The following KIRREL3 variants were observed in gnomAD, a reference collection of about 807,000 sequenced individuals.
KIRREL3 encodes the protein kirre like nephrin family adhesion molecule 3, also known as kin of IRRE-like protein 3.
A neutral mutation model predicts 89.7 loss-of-function variants in KIRREL3; 36 were observed. The ratio of observed to expected loss-of-function variants is 0.40; its 90% CI spans 0.31 to 0.53. KIRREL3 has a LOEUF of 0.53. KIRREL3 is among the 20% of genes least tolerant of loss of function. The pLI is 0.49. For missense variants in KIRREL3, 864 were observed against 1,056.6 expected (o/e 0.82, Z 2.53); for synonymous variants, 445 against 441.4 (o/e 1.01, Z -0.10).
intron 2 of KIRREL3, among the ~76,000 whole-genome samples, chr11:126,559,239 A>G (rs1157416976): frequency 3.3e-5 from 5 of 152,208 alleles, no homozygotes; most frequent in Non-Finnish European, 5.9e-5. Flanking sequence ...GGACTGTTCC[A>G]CATCTGTGTG....
At chr11:126,593,658 G>A (rs1031467471) in intron 1 of KIRREL3, among the ~76,000 whole-genome samples, 2 of 152,214 alleles carry the variant, frequency 1.3e-5, no homozygotes, top group Non-Finnish European at 2.9e-5. Flanking sequence ...CATGGGGTCT[G>A]GGCCTGCACG....
intron 1 of KIRREL3, among the ~76,000 whole-genome samples, chr11:126,913,211 C>T (rs1946896873): frequency 6.6e-6 from 1 of 152,132 alleles, no homozygotes; most frequent in Non-Finnish European, 1.5e-5. Context: ...CAAGGTTTTC[C>T]AAATATGGTT....
chr11:126,731,776 A>G (rs1194833914), intron 1 of KIRREL3, among the ~76,000 whole-genome samples: 1 of 152,256 alleles, frequency 6.6e-6, no homozygotes, highest in African/African-American at 2.4e-5. Flanking sequence ...AACTAATCAC[A>G]TGTGGTGGCT....
chr11:126,435,709 T>C lies in KIRREL3; in HGVS notation c.1553-406A>G, dbSNP rs1312069463. ...GCAGCACCTATTAGGGAAGAGGTGT[T>C]GGGAGATGCTGTGTGATTTGACCCA... On this transcript the variant is annotated intron_variant, in intron 12 of 16. Coordinates refer to ENST00000525144, the MANE Select transcript of KIRREL3 (RefSeq NM_032531.4). Among the ~76,000 whole-genome samples, 4 of 152,162 alleles carry C rather than the reference T, an allele frequency of 2.6e-5. No homozygotes were observed. The East Asian group carries it at 7.7e-4, about 29-fold the overall frequency.
rs1284045621 is a variant in KIRREL3, at chr11:126,601,816, C to T, written c.56-38904G>A. 6.6e-6 allele frequency among the ~76,000 whole-genome samples: 1 copy of T among 152,200 alleles called. No homozygotes were observed. The highest frequency in any genetic ancestry group is 2.1e-4 in the South Asian group (1 of 4,828). On this transcript the variant is annotated intron_variant, in intron 1 of 16. Transcript: ENST00000525144. The surrounding 1 kb of genome is among the most constrained non-coding windows in gnomAD (Gnocchi z 5.8). Reference sequence around the variant, plus strand: ...CGTCCATTTCTAGGAGCTCCATTCCCTCGTGCCATCTCCCGTTTTTAAGGA... The same window carrying T: ...CGTCCATTTCTAGGAGCTCCATTCCTTCGTGCCATCTCCCGTTTTTAAGGA...
intron 1 of KIRREL3, among the ~76,000 whole-genome samples, chr11:126,692,995 C>G (rs900937363): frequency 6.6e-6 from 1 of 152,208 alleles, no homozygotes; most frequent in African/African-American, 2.4e-5. Context: ...GGTGCTGAGC[C>G]AAGACCTCAA....
chr11:126,453,918 C>A (rs930187417), intron 7 of KIRREL3, among the ~76,000 whole-genome samples: 1 of 152,114 alleles, frequency 6.6e-6, no homozygotes, highest in African/African-American at 2.4e-5. Context: ...TAGGAGGGGC[C>A]GGCTGTGATA....
At chr11:126,887,625 G>C (rs1945750210) in intron 1 of KIRREL3, among the ~76,000 whole-genome samples, 1 of 152,010 alleles carries the variant, frequency 6.6e-6, no homozygotes, top group Non-Finnish European at 1.5e-5. Context: ...CCAACCAAGG[G>C]TCCCCAATGT....
Position 126,459,086 on chromosome 11 carries a change from T to C in KIRREL3, c.743-2632A>G, listed in dbSNP as rs1201617303. ...GGAATCGCCACCGGATCCAAACGCA[T>C]TGCTGGCCCGTGCCCTCGCATTATA... On this transcript the variant is annotated intron_variant, in intron 6 of 16. Coordinates refer to ENST00000525144, the MANE Select transcript of KIRREL3 (RefSeq NM_032531.4). The surrounding 1 kb of genome is among the most constrained non-coding windows in gnomAD (Gnocchi z 4.8). 1.3e-5 allele frequency among the ~76,000 whole-genome samples: 2 copies of C among 152,018 alleles called. No homozygotes were observed. The highest frequency in any genetic ancestry group is 2.9e-5 in the Non-Finnish European group (2 of 68,006).
rs1950811127 is a variant in KIRREL3, at chr11:126,796,367, G to A, written c.55+204088C>T. 6.6e-6 allele frequency among the ~76,000 whole-genome samples: 1 copy of A among 152,148 alleles called. No individual in the cohort carries two copies. The highest frequency in any genetic ancestry group is 1.5e-5 in the Non-Finnish European group (1 of 68,026). The stretch of plus-strand genomic sequence containing the variant: ...GGCATCAGGGCTGGGGATTGTCTTG[G>A]ATGGAAGGATCTCATTCTGCCCGTC... On this transcript the variant is annotated intron_variant, in intron 1 of 16. Coordinates refer to ENST00000525144, the MANE Select transcript of KIRREL3 (RefSeq NM_032531.4). This position sits in a 1 kb window ranked among gnomAD's most constrained non-coding sequence, Gnocchi z 5.1.
intron 7 of KIRREL3, among the ~76,000 whole-genome samples, chr11:126,451,562 G>A (rs887854729): frequency 7.1e-6 from 1 of 140,608 alleles, no homozygotes; most frequent in Non-Finnish European, 1.5e-5. Flanking sequence ...GCATGTGTGT[G>A]ATCATGTGCA....
At chr11:126,538,676 A>G (rs530901377) in intron 2 of KIRREL3, among the ~76,000 whole-genome samples, 1 of 152,224 alleles carries the variant, frequency 6.6e-6, no homozygotes, top group South Asian at 2.1e-4. Flanking sequence ...ATGGATTTTT[A>G]TGGAGGTTCT....
rs755625462 is a variant in KIRREL3 at position 126,808,642 on chromosome 11, G to A, written c.55+191813C>T. 7.2e-5 allele frequency among the ~76,000 whole-genome samples: 11 copies of A among 152,154 alleles called. No homozygotes were observed. The highest frequency in any genetic ancestry group is 2.1e-4 in the South Asian group (1 of 4,830). ...CAAATGGGCGGGGGCCTTTTTCTGC[G>A]CTTTTTAACCATCTCAGATTAAATG... On this transcript the variant is annotated intron_variant, in intron 1 of 16. Transcript: ENST00000525144. The surrounding 1 kb of genome is among the most constrained non-coding windows in gnomAD (Gnocchi z 4.1).
In KIRREL3 at chr11:126,744,888, AAAAG is replaced by A. The variant is rs958749585; in HGVS notation, c.56-181980_56-181977del. ...ACATAGTAAGTGCTAAAAAAAAAAA[AAAAG>A]GTGGGAAAAGTAGCTGAGAACTGGT... On this transcript the variant is annotated intron_variant, in intron 1 of 16. Coordinates refer to ENST00000525144, the MANE Select transcript of KIRREL3 (RefSeq NM_032531.4). This position sits in a 1 kb window ranked among gnomAD's most constrained non-coding sequence, Gnocchi z 4.7. 6.6e-6 allele frequency among the ~76,000 whole-genome samples: 1 copy of A among 152,158 alleles called. No homozygotes were observed.
Position 126,501,771 on chromosome 11 carries a change from C to T in KIRREL3, c.433+19544G>A, listed in dbSNP as rs374742451. Among the ~76,000 whole-genome samples, 7 of 152,326 alleles carry T rather than the reference C, an allele frequency of 4.6e-5. No individual in the cohort carries two copies. In the East Asian group the frequency reaches 7.7e-4, roughly 17 times the overall value. On this transcript the variant is annotated intron_variant, in intron 4 of 16. Transcript: ENST00000525144. This position sits in a 1 kb window ranked among gnomAD's most constrained non-coding sequence, Gnocchi z 5.8. ...GCTTGCCTCTGCCTGCCTTTGCCTCCTTTTCCCGCTTCTGTTCCTAGTTCA... is the reference window on the plus strand; with the variant it reads ...GCTTGCCTCTGCCTGCCTTTGCCTCTTTTTCCCGCTTCTGTTCCTAGTTCA...
rs543657423 is a variant in KIRREL3, at chr11:126,970,315, CCT to C, written c.55+30138_55+30139del. On this transcript the variant is annotated intron_variant, in intron 1 of 16. Transcript: ENST00000525144. This position sits in a 1 kb window ranked among gnomAD's most constrained non-coding sequence, Gnocchi z 4.4. The stretch of plus-strand genomic sequence containing the variant: ...TTCTCTTCTTTTCCTTCTTTTCTTC[CCT>C]TTCTTTTCTCTCTCACATTATCTTG... 6.3e-4 allele frequency among the ~76,000 whole-genome samples: 96 copies of C among 152,036 alleles called. 2 individuals are homozygous for C. The highest frequency in any genetic ancestry group is 5.4e-3 in the Admixed American group (82 of 15,272).
rs1956895811 is a variant in KIRREL3, at chr11:126,471,668, AG to A, written c.591+1640del. Among the ~76,000 whole-genome samples, 1 of 151,642 alleles carries A rather than the reference AG, an allele frequency of 6.6e-6. No homozygotes were observed. Among genetic ancestry groups the A allele is most frequent in the Non-Finnish European group, 1.5e-5 (1 of 67,948 alleles). ...GTGTGGCCCTGGGGAGATTTAGGGT[AG>A]GGGTATAATGTCCTGGACTATGGAG... On this transcript the variant is annotated intron_variant, in intron 5 of 16. Transcript: ENST00000525144. This position sits in a 1 kb window ranked among gnomAD's most constrained non-coding sequence, Gnocchi z 5.4.
chr11:126,793,989 C>CTG lies in KIRREL3; in HGVS notation c.55+206464_55+206465dup, dbSNP rs546065571. On this transcript the variant is annotated intron_variant, in intron 1 of 16. Coordinates refer to ENST00000525144, the MANE Select transcript of KIRREL3 (RefSeq NM_032531.4). ...ATTTCTAATGGTTGAATTTCCAATGCTGGTGATAGACTGAGAGATAATTTG... is the reference window on the plus strand; with the variant it reads ...ATTTCTAATGGTTGAATTTCCAATGCTGTGGTGATAGACTGAGAGATAATTTG... 8.3e-4 allele frequency among the ~76,000 whole-genome samples: 126 copies of CTG among 152,258 alleles called. 1 individual carries two copies. The South Asian group carries it at 0.025, about 30-fold the overall frequency.
rs1948266852 is a variant in KIRREL3, at chr11:126,723,683, C to T, written c.56-160771G>A. Among the ~76,000 whole-genome samples the T allele has an allele frequency of 6.6e-6, 1 of 152,076 alleles. No individual in the cohort carries two copies. Among genetic ancestry groups the T allele is most frequent in the Non-Finnish European group, 1.5e-5 (1 of 68,024 alleles). ...GTGTCATTCTTTTATATTCCTAGTA[C>T]CTAGACCATGATGACATAATAATAG... On this transcript the variant is annotated intron_variant, in intron 1 of 16. Transcript: ENST00000525144. The surrounding 1 kb of genome is among the most constrained non-coding windows in gnomAD (Gnocchi z 4.0).
Sources: gnomAD v4.1 joint callset for allele counts (sites outside exome capture counted in the v4.1 genomes callset) on GRCh38, gnomAD v4.1.1 for gene constraint, Gnocchi (gnomAD v3.1) non-coding constraint, MANE v1.5 for transcripts, NCBI Gene and HGNC (gene_info 2026-07-23, HGNC 2026-07-21) for gene names.